Variants in PCDH9 observed in about 807,000 individuals in gnomAD.
The protein encoded by PCDH9 is protocadherin 9.
In PCDH9, 24 loss-of-function variants were observed where a neutral mutation model predicts 70.6. The ratio of observed to expected loss-of-function variants is 0.34; its 90% CI spans 0.25 to 0.48. The LOEUF is 0.48. PCDH9 is among the 20% of genes least tolerant of loss of function. The pLI is 0.99. For synonymous variants in PCDH9, 562 were observed against 558.5 expected (o/e 1.01, Z -0.09); for missense variants, 1,281 against 1,503.6 (o/e 0.85, Z 2.45).
At chr13:66,599,924 G>T (rs182895633) in intron 4 of PCDH9, among the ~76,000 whole-genome samples, 1 of 151,768 alleles carries the variant, frequency 6.6e-6, no homozygotes, top group Non-Finnish European at 1.5e-5. Flanking sequence ...TCAGAATTGG[G>T]TCTCATTTTA....
intron 4 of PCDH9, among the ~76,000 whole-genome samples, chr13:66,622,832 C>T (rs1432848846): frequency 6.6e-6 from 1 of 152,050 alleles, no homozygotes; most frequent in African/African-American, 2.4e-5. Flanking sequence ...TGCTTTCTCT[C>T]TTTGGAATAA....
At chr13:67,058,998 C>T (rs1161157149) in intron 2 of PCDH9, among the ~76,000 whole-genome samples, 1 of 152,016 alleles carries the variant, frequency 6.6e-6, no homozygotes, top group East Asian at 1.9e-4. Flanking sequence ...CTGCACCTGA[C>T]TTCATGCTGC....
At chr13:66,737,650 G>A (rs933624327) in intron 3 of PCDH9, among the ~76,000 whole-genome samples, 3 of 152,210 alleles carry the variant, frequency 2.0e-5, no homozygotes, top group Non-Finnish European at 4.4e-5. Context: ...CACCGTGCAC[G>A]AGCCGAAGCC....
chr13:66,788,380 G>A (rs2080111848), intron 3 of PCDH9, among the ~76,000 whole-genome samples: 1 of 152,086 alleles, frequency 6.6e-6, no homozygotes, highest in Non-Finnish European at 1.5e-5. Context: ...TCAAACCATA[G>A]CATTAACCTT....
intron 2 of PCDH9, among the ~76,000 whole-genome samples, chr13:67,194,410 T>C (rs572157022): frequency 2.5e-4 from 38 of 151,872 alleles, no homozygotes; most frequent in Non-Finnish European, 4.6e-4. Context: ...ATAATGACTC[T>C]TCAAAAAAAA....
At chr13:66,977,433 T>C (rs2083642629) in intron 2 of PCDH9, 2 of 152,136 alleles carry the variant, frequency 1.3e-5, no homozygotes, top group African/African-American at 4.8e-5. Context: ...AAAGAAAGTT[T>C]TGATGCTGGT....
chr13:66,594,964 C>T (rs972327122), intron 4 of PCDH9, among the ~76,000 whole-genome samples: 9 of 150,426 alleles, frequency 6.0e-5, no homozygotes, highest in Non-Finnish European at 1.2e-4. Context: ...GCTACTCCTC[C>T]CCTTCTTTTT....
intron 3 of PCDH9, among the ~76,000 whole-genome samples, chr13:66,840,575 A>G (rs2081099788): frequency 6.6e-6 from 1 of 152,230 alleles, no homozygotes; most frequent in African/African-American, 2.4e-5. Flanking sequence ...TTCTCTACTA[A>G]ATAACTACCA....
At chr13:66,554,436 C>A (rs774095840) in intron 4 of PCDH9, among the ~76,000 whole-genome samples, 2 of 152,096 alleles carry the variant, frequency 1.3e-5, no homozygotes, top group African/African-American at 4.8e-5. Flanking sequence ...TATTTCTAAT[C>A]TGCCTTAACA....
chr13:66,578,038 T>A (rs566016786), intron 4 of PCDH9, among the ~76,000 whole-genome samples: 15 of 152,218 alleles, frequency 9.9e-5, no homozygotes, highest in Non-Finnish European at 2.1e-4. Context: ...TACCATATAT[T>A]TATCAAGAGA....
At chr13:66,416,616 G>C (rs1566309124) in intron 4 of PCDH9, among the ~76,000 whole-genome samples, 2 of 152,154 alleles carry the variant, frequency 1.3e-5, no homozygotes, top group East Asian at 3.9e-4. Context: ...TTTGCAGCAG[G>C]GAGTTTTATC....
At chr13:66,334,220 C>CCACCATT (rs1445892884) in intron 4 of PCDH9, among the ~76,000 whole-genome samples, 1 of 152,064 alleles carries the variant, frequency 6.6e-6, no homozygotes, top group Non-Finnish European at 1.5e-5. Context: ...CCTCTGGTAA[C>CCACCATT]CACCATTCTG....
intron 4 of PCDH9, among the ~76,000 whole-genome samples, chr13:66,420,420 G>A (rs1470090910): frequency 1.3e-5 from 2 of 152,304 alleles, no homozygotes; most frequent in East Asian, 3.9e-4. Flanking sequence ...TCATACAGGA[G>A]AGCTCCAGCT....
chr13:67,071,661 C>T (rs2085765486), intron 2 of PCDH9, among the ~76,000 whole-genome samples: 1 of 151,798 alleles, frequency 6.6e-6, no homozygotes, highest in South Asian at 2.1e-4. Context: ...GAGGCTGAGG[C>T]GGTAGATCAC....
intron 4 of PCDH9, among the ~76,000 whole-genome samples, chr13:66,547,137 A>G (rs772020091): frequency 1.1e-4 from 17 of 152,240 alleles, no homozygotes; most frequent in Non-Finnish European, 1.9e-4. Flanking sequence ...ATGAAATTCA[A>G]TTTAAAATTT....
chr13:66,395,797 T>C (rs578253381), intron 4 of PCDH9, among the ~76,000 whole-genome samples: 5 of 152,086 alleles, frequency 3.3e-5, no homozygotes, highest in Non-Finnish European at 7.4e-5. Flanking sequence ...TAAACATTTG[T>C]GCATTCAAAA....
At chr13:66,704,905 A>G (rs1273019785) in intron 3 of PCDH9, among the ~76,000 whole-genome samples, 1 of 152,188 alleles carries the variant, frequency 6.6e-6, no homozygotes, top group Admixed American at 6.5e-5. Context: ...GTCATATAAC[A>G]AAACATATTT....
chr13:66,930,209 G>C (rs1054132784), intron 2 of PCDH9, among the ~76,000 whole-genome samples: 2 of 152,092 alleles, frequency 1.3e-5, no homozygotes, highest in Non-Finnish European at 2.9e-5. Context: ...CAAGATGACA[G>C]TCATTCAATA....
chr13:67,091,932 C>T (rs2086226626), intron 2 of PCDH9, among the ~76,000 whole-genome samples: 2 of 152,116 alleles, frequency 1.3e-5, no homozygotes, highest in East Asian at 1.9e-4. Context: ...AAGGTTCATG[C>T]TTTTTCAAAT....
Sources: gnomAD v4.1 joint callset for allele counts (sites outside exome capture counted in the v4.1 genomes callset) on GRCh38, gnomAD v4.1.1 for gene constraint, MANE v1.5 for transcripts, NCBI Gene and HGNC (gene_info 2026-07-23, HGNC 2026-07-21) for gene names.